Variants in LRRC37A2 observed in about 807,000 individuals in gnomAD.
LRRC37A2 encodes leucine-rich repeat-containing protein 37A2.
A neutral mutation model predicts 68.8 loss-of-function variants in LRRC37A2; 9 were observed. The observed-to-expected ratio is 0.13, with a 90% CI of 0.08 to 0.23. LRRC37A2 has a LOEUF of 0.23. Among genes scored for constraint, LRRC37A2 ranks in the 10% least tolerant of loss-of-function variants. The pLI, the probability that LRRC37A2 is intolerant of heterozygous loss-of-function variation, is 1.00. For synonymous variants in LRRC37A2, 63 were observed against 367.6 expected (o/e 0.17, Z 9.48); for missense variants, 168 against 950.4 (o/e 0.18, Z 10.82).
chr17:46,816,593 G>T, the LRRC37A2 span, among the ~76,000 whole-genome samples: 1 of 152,014 alleles, frequency 6.6e-6, no homozygotes, highest in African/African-American at 2.4e-5. Flanking sequence ...CTAGCATTAT[G>T]TTAGGGCCAA....
At chr17:46,745,859 C>T in the LRRC37A2 span, among the ~76,000 whole-genome samples, 78 of 152,148 alleles carry the variant, frequency 5.1e-4, no homozygotes, top group Admixed American at 9.2e-4. Flanking sequence ...AAATGTATGT[C>T]TTTACTCGAT....
chr17:46,799,976 C>T, the LRRC37A2 span, among the ~76,000 whole-genome samples: 2,279 of 152,250 alleles, frequency 0.015, 16 homozygotes, highest in South Asian at 0.021. Flanking sequence ...AGGTTAGATG[C>T]CCAGAGCCGG....
At chr17:46,790,181 G>C in the LRRC37A2 span, among the ~76,000 whole-genome samples, 1 of 152,218 alleles carries the variant, frequency 6.6e-6, no homozygotes, top group East Asian at 1.9e-4. Flanking sequence ...TCCTCCGCAG[G>C]CTCCTTGCTT....
the LRRC37A2 span, among the ~76,000 whole-genome samples, chr17:46,496,990 C>G: frequency 7.3e-6 from 1 of 137,884 alleles, no homozygotes; most frequent in Non-Finnish European, 1.5e-5. Flanking sequence ...CTGTTTTTGA[C>G]TAGTGTTAAA....
the LRRC37A2 span, among the ~76,000 whole-genome samples, chr17:46,773,309 G>A: frequency 6.6e-6 from 1 of 152,112 alleles, no homozygotes; most frequent in African/African-American, 2.4e-5. Flanking sequence ...GGGACCTAGG[G>A]GTGGCAATGC....
At chr17:46,532,168 G>A (rs2053749960) in intron 6 of LRRC37A2, among the ~76,000 whole-genome samples, 1 of 149,234 alleles carries the variant, frequency 6.7e-6, no homozygotes, top group South Asian at 2.1e-4. Context: ...CAAAATGCTG[G>A]GATTACAGGC....
chr17:46,827,913 C>T, the LRRC37A2 span, among the ~76,000 whole-genome samples: 2 of 151,800 alleles, frequency 1.3e-5, no homozygotes. Context: ...AGGTTCACAC[C>T]ATTCCCCTGC....
chr17:46,945,056 G>A, the LRRC37A2 span, among the ~76,000 whole-genome samples: 2 of 152,180 alleles, frequency 1.3e-5, no homozygotes, highest in Admixed American at 1.3e-4. Context: ...AGTTTAGTGC[G>A]GCCATTGTGG....
the LRRC37A2 span, among the ~76,000 whole-genome samples, chr17:46,807,917 A>T: frequency 6.6e-6 from 1 of 152,214 alleles, no homozygotes; most frequent in African/African-American, 2.4e-5. Flanking sequence ...CCTCGGGGAG[A>T]AATAAAGCTG....
At chr17:46,889,463 C>T in the LRRC37A2 span, among the ~76,000 whole-genome samples, 1 of 152,138 alleles carries the variant, frequency 6.6e-6, no homozygotes, top group Non-Finnish European at 1.5e-5. Context: ...TAACCCATAG[C>T]TTCATCATGG....
At chr17:46,715,355 C>T in the LRRC37A2 span, among the ~76,000 whole-genome samples, 1 of 152,088 alleles carries the variant, frequency 6.6e-6, no homozygotes, top group Non-Finnish European at 1.5e-5. Flanking sequence ...TTTTCGTTTT[C>T]CCTCTGATGG....
At chr17:47,021,998 G>T in the LRRC37A2 span, 4 of 1,315,952 alleles carry the variant, frequency 3.0e-6, no homozygotes, top group Non-Finnish European at 4.3e-6. Context: ...TTTTGAGGTC[G>T]GTACCTCTGA....
At chr17:46,899,893 G>C in the LRRC37A2 span, among the ~76,000 whole-genome samples, 4 of 151,728 alleles carry the variant, frequency 2.6e-5, no homozygotes, top group Non-Finnish European at 5.9e-5. Flanking sequence ...TATATAGTGG[G>C]GGTAGTTAAG....
the LRRC37A2 span, among the ~76,000 whole-genome samples, chr17:46,874,447 G>A: frequency 1.3e-5 from 2 of 152,234 alleles, no homozygotes; most frequent in East Asian, 3.8e-4. Flanking sequence ...AGGTGTCTGA[G>A]TAGCTTCTCT....
the LRRC37A2 span, among the ~76,000 whole-genome samples, chr17:46,944,336 C>T: frequency 6.6e-6 from 1 of 152,244 alleles, no homozygotes; most frequent in Non-Finnish European, 1.5e-5. Flanking sequence ...AGTCCCAGCC[C>T]TGCTGGCAGC....
chr17:46,749,940 A>G, the LRRC37A2 span: 3 of 1,602,600 alleles, frequency 1.9e-6, no homozygotes, highest in Non-Finnish European at 2.6e-6. Context: ...CACACTGTTT[A>G]TAAGAAAGGA....
the LRRC37A2 span, among the ~76,000 whole-genome samples, chr17:47,035,759 C>T: frequency 6.6e-6 from 1 of 152,174 alleles, no homozygotes; most frequent in Non-Finnish European, 1.5e-5. Context: ...AGTGGCTGCT[C>T]CATTTTACAC....
the LRRC37A2 span, among the ~76,000 whole-genome samples, chr17:46,852,422 GTGTGT>G: frequency 6.6e-6 from 1 of 151,056 alleles, no homozygotes; most frequent in Non-Finnish European, 1.5e-5. Flanking sequence ...GTGTGTGTGT[GTGTGT>G]GTGTGTGTGT....
the LRRC37A2 span, among the ~76,000 whole-genome samples, chr17:46,731,171 G>T: frequency 1.3e-5 from 2 of 151,978 alleles, no homozygotes; most frequent in Non-Finnish European, 1.5e-5. Flanking sequence ...AAAAAAAGTA[G>T]TACCATTACA....
Sources: allele counts gnomAD v4.1 joint callset (sites outside exome capture counted in the v4.1 genomes callset), GRCh38; gene constraint gnomAD v4.1.1; transcripts MANE v1.5; gene names NCBI Gene and HGNC (gene_info 2026-07-23, HGNC 2026-07-21).